The following CHD9 variants were observed in gnomAD, a reference collection of about 807,000 sequenced individuals.
CHD9 encodes chromodomain helicase DNA binding protein 9, also known as ATP-dependent chromatin remodeler CHD9.
CHD9 carries 77 observed loss-of-function variants against 316.1 expected under a neutral mutation model. The observed-to-expected ratio is 0.24, with a 90% CI of 0.20 to 0.29. The LOEUF (loss-of-function observed/expected upper bound fraction) is 0.29, where lower values mean the gene tolerates loss of function less well. Among genes scored for constraint, CHD9 ranks in the 10% least tolerant of loss-of-function variants. The pLI is 1.00. For synonymous variants in CHD9, 1,129 were observed against 1,158.3 expected (o/e 0.97, Z 0.51); for missense variants, 2,763 against 3,438.1 (o/e 0.80, Z 4.91).
At chr16:53,185,049 A>T (rs185024423) in intron 2 of CHD9, among the ~76,000 whole-genome samples, 1 of 152,320 alleles carries the variant, frequency 6.6e-6, no homozygotes, top group East Asian at 1.9e-4. Flanking sequence ...AGTTCTTTAT[A>T]GCAATGTGAG....
intron 1 of CHD9, among the ~76,000 whole-genome samples, chr16:53,122,366 A>G (rs2038777647): frequency 6.6e-6 from 1 of 152,214 alleles, no homozygotes; most frequent in Non-Finnish European, 1.5e-5. Flanking sequence ...AATATAAGAA[A>G]TGACAGTGCC....
intron 19 of CHD9, among the ~76,000 whole-genome samples, chr16:53,261,385 T>TA (rs1555528042): frequency 5.5e-5 from 8 of 145,320 alleles, no homozygotes; most frequent in African/African-American, 1.5e-4. Context: ...TTTTTTTTTT[T>TA]AGACAGGTTC....
At position 53,287,005 on chromosome 16, in the gene CHD9, G is replaced by A. The variant is rs542757774; in HGVS notation, c.5189+662G>A. On this transcript the variant is annotated intron_variant, in intron 26 of 38. Transcript: ENST00000447540. ...GACAGGGTCTTGCTCTGTCATCTAGGCTGGAATGCAATGGCACAATCATGT... is the reference window on the plus strand; with the variant it reads ...GACAGGGTCTTGCTCTGTCATCTAGACTGGAATGCAATGGCACAATCATGT... Among the ~76,000 whole-genome samples, 10 of 152,130 alleles carry A rather than the reference G, an allele frequency of 6.6e-5. 1 individual carries two copies. The South Asian group carries it at 1.5e-3, about 22-fold the overall frequency.
chr16:53,197,352 G>A (rs762407317), intron 2 of CHD9, among the ~76,000 whole-genome samples: 23 of 152,056 alleles, frequency 1.5e-4, no homozygotes, highest in Non-Finnish European at 3.4e-4. Flanking sequence ...ATTATAGTAG[G>A]ATTTGAGTGA....
chr16:53,310,614 G>A (rs530534459), intron 34 of CHD9, among the ~76,000 whole-genome samples: 15 of 151,774 alleles, frequency 9.9e-5, no homozygotes, highest in Admixed American at 5.9e-4. Context: ...CTGGGAGGCC[G>A]AGGCAGGCGG....
chr16:53,100,518 G>A (rs1238077311), intron 1 of CHD9, among the ~76,000 whole-genome samples: 2 of 148,620 alleles, frequency 1.3e-5, no homozygotes, highest in Non-Finnish European at 3.0e-5. Context: ...GGAGTAAAGT[G>A]GCTGATCATA....
At chr16:53,317,946 A>G (rs1253411086) in intron 36 of CHD9, among the ~76,000 whole-genome samples, 2 of 152,070 alleles carry the variant, frequency 1.3e-5, no homozygotes, top group Non-Finnish European at 2.9e-5. Flanking sequence ...AGTCCCAGCT[A>G]CTTGAGAGGC....
At chr16:53,126,586 CTTTT>C (rs200069064) in intron 1 of CHD9, among the ~76,000 whole-genome samples, 4 of 117,646 alleles carry the variant, frequency 3.4e-5, no homozygotes, top group Non-Finnish European at 5.1e-5. Flanking sequence ...TTTCAGGATC[CTTTT>C]TTTTTTTTTT....
intron 2 of CHD9, among the ~76,000 whole-genome samples, chr16:53,188,474 C>T (rs60018373): frequency 0.12 from 18,230 of 151,496 alleles, 1,282 homozygotes; most frequent in South Asian, 0.23. Flanking sequence ...CTTGCCAATG[C>T]CTGTTTTTAT....
chr16:53,160,711 C>T (rs57498242), intron 2 of CHD9, among the ~76,000 whole-genome samples: 2 of 151,646 alleles, frequency 1.3e-5, no homozygotes, highest in Non-Finnish European at 2.9e-5. Flanking sequence ...GTTCAAGACC[C>T]GCCTGGCCAA....
intron 1 of CHD9, among the ~76,000 whole-genome samples, chr16:53,088,760 G>A (rs368149686): frequency 1.3e-5 from 2 of 151,968 alleles, no homozygotes; most frequent in African/African-American, 2.4e-5. Flanking sequence ...CAGGAGGATC[G>A]CTTGAGGCCA....
At chr16:53,185,362 G>A (rs1417215023) in intron 2 of CHD9, among the ~76,000 whole-genome samples, 1 of 152,122 alleles carries the variant, frequency 6.6e-6, no homozygotes, top group Non-Finnish European at 1.5e-5. Flanking sequence ...AGAGACTGGT[G>A]GTATTTTTCC....
At chr16:53,149,210 C>A (rs1597162625) in intron 1 of CHD9, among the ~76,000 whole-genome samples, 1 of 152,220 alleles carries the variant, frequency 6.6e-6, no homozygotes, top group East Asian at 1.9e-4. Flanking sequence ...CATCTGCACT[C>A]CGGAAGAATG....
At chr16:53,118,248 C>T (rs1191866608) in intron 1 of CHD9, among the ~76,000 whole-genome samples, 1 of 152,110 alleles carries the variant, frequency 6.6e-6, no homozygotes, top group Non-Finnish European at 1.5e-5. Flanking sequence ...AAAACCCTGT[C>T]TCTACCAAAA....
At chr16:53,199,211 A>G (rs947902095) in intron 2 of CHD9, among the ~76,000 whole-genome samples, 1 of 152,122 alleles carries the variant, frequency 6.6e-6, no homozygotes, top group African/African-American at 2.4e-5. Context: ...TTACACTTTT[A>G]TTACAAGGAA....
intron 1 of CHD9, among the ~76,000 whole-genome samples, chr16:53,126,505 T>C (rs368389032): frequency 5.3e-5 from 8 of 152,056 alleles, no homozygotes; most frequent in African/African-American, 1.7e-4. Context: ...CCAACTTTCC[T>C]CTTTTGACTA....
At chr16:53,260,162 CTAGT>C (rs2152987290) in intron 19 of CHD9, among the ~76,000 whole-genome samples, 1 of 152,186 alleles carries the variant, frequency 6.6e-6, no homozygotes, top group Admixed American at 6.5e-5. Context: ...TTTTATCAAA[CTAGT>C]TAGTCTTTGT....
rs1363685676 is a variant in CHD9 at position 53,193,930 on chromosome 16, TATAAAACAA to T, written c.1453-15548_1453-15540del. 5.9e-5 allele frequency among the ~76,000 whole-genome samples: 9 copies of T among 152,338 alleles called. No individual in the cohort carries two copies. The East Asian group carries it at 1.7e-3, about 29-fold the overall frequency. On this transcript the variant is annotated intron_variant, in intron 2 of 38. Coordinates refer to ENST00000447540, the MANE Select transcript of CHD9 (RefSeq NM_001308319.2). ...TAATATACTATAGTAATATTACTGT[TATAAAACAA>T]ATATTACTGTTGTAAAATTACGTAG...
At chr16:53,146,439 T>TATATA (rs2040630800) in intron 1 of CHD9, among the ~76,000 whole-genome samples, 2 of 46,296 alleles carry the variant, frequency 4.3e-5, no homozygotes, top group African/African-American at 1.9e-4. Flanking sequence ...ATATATATAA[T>TATATA]TAAAAAGTTC....
Sources: gnomAD v4.1 joint callset for allele counts (sites outside exome capture counted in the v4.1 genomes callset) on GRCh38, gnomAD v4.1.1 for gene constraint, MANE v1.5 for transcripts, NCBI Gene and HGNC (gene_info 2026-07-23, HGNC 2026-07-21) for gene names.